Variants in CTDSP1 observed in about 807,000 individuals in gnomAD.
CTDSP1 encodes the protein carboxy-terminal domain RNA polymerase II polypeptide A small phosphatase 1.
A neutral mutation model predicts 32.5 loss-of-function variants in CTDSP1; 15 were observed. That is an observed-to-expected ratio of 0.46 (90% confidence interval 0.31 to 0.71). The LOEUF (loss-of-function observed/expected upper bound fraction) is 0.71, where lower values mean the gene tolerates loss of function less well. Ranked by LOEUF, CTDSP1 falls within the 30% of genes least tolerant of loss-of-function variation. The pLI is 0.05. For missense variants in CTDSP1, 294 were observed against 351.1 expected, an observed-to-expected ratio of 0.84 and a Z score of 1.30; for synonymous variants, 185 against 145.4, an observed-to-expected ratio of 1.27 and a Z score of -1.96.
At chr2:218,400,666 C>A (rs1486057232) in intron 1 of CTDSP1, 1 of 446,572 alleles carries the variant, frequency 2.2e-6, no homozygotes, top group Non-Finnish European at 4.5e-6. Flanking sequence ...CCACAAACTT[C>A]GCGTCACGCG....
chr2:218,400,973 AG>A (rs1574795294), intron 1 of CTDSP1: 2 of 89,384 alleles, frequency 2.2e-5, no homozygotes, highest in Non-Finnish European at 4.3e-5. Flanking sequence ...AGGGGGCCGG[AG>A]GGGGGTGGGG....
chr2:218,401,772 G>A lies in CTDSP1; in HGVS notation c.216+60G>A, dbSNP rs1393357845. 68 of 1,449,752 alleles carry A rather than the reference G, an allele frequency of 4.7e-5. No individual in the cohort carries two copies. The South Asian group carries it at 7.9e-4, about 17-fold the overall frequency. 89.8% of individuals were successfully genotyped at this position (1,449,752 alleles called of 1,614,324 possible). On this transcript the variant is annotated intron_variant, in intron 2 of 6. Coordinates refer to ENST00000273062, the MANE Select transcript of CTDSP1 (RefSeq NM_021198.3). ...TGGACTCAGTCTTCAGGGCTTTAGG[G>A]GAAGGGGCTCCTGACTGAGCTTTTC...
upstream of CTDSP1, chr2:218,399,411 G>C (rs1696979730): frequency 6.6e-6 from 1 of 152,300 alleles, no homozygotes; most frequent in Non-Finnish European, 1.5e-5. Flanking sequence ...GCTGGCTCTT[G>C]ACGTCCTTGC....
upstream of CTDSP1, among the ~76,000 whole-genome samples, chr2:218,397,963 G>A (rs1696907102): frequency 6.6e-6 from 1 of 152,204 alleles, no homozygotes; most frequent in African/African-American, 2.4e-5. Flanking sequence ...GGAGGTGGGG[G>A]ATTCCTGAGG....
upstream of CTDSP1, among the ~76,000 whole-genome samples, chr2:218,397,860 C>T (rs73073097): frequency 0.026 from 3,941 of 152,260 alleles, 152 homozygotes; most frequent in African/African-American, 0.09. Flanking sequence ...GCGGCTACCT[C>T]TGCCGCTTTG....
chr2:218,402,747 G>A (rs1294219235), intron 4 of CTDSP1: 4 of 744,120 alleles, frequency 5.4e-6, no homozygotes, highest in African/African-American at 5.1e-5. Context: ...GGGGTGAGGG[G>A]GCTGCCCCTG....
chr2:218,398,591 G>A, upstream of CTDSP1: 1 of 683,504 alleles, frequency 1.5e-6, no homozygotes, highest in Non-Finnish European at 2.2e-6. Flanking sequence ...GCCCCCGCGC[G>A]GGGCCTCCCC....
chr2:218,398,177 AC>A (rs1696919154), upstream of CTDSP1: 1 of 543,548 alleles, frequency 1.8e-6, no homozygotes, highest in Non-Finnish European at 3.3e-6. Context: ...CCGAGGCCCC[AC>A]CCAGGGGGCC....
chr2:218,400,945 G>A (rs1331695434), intron 1 of CTDSP1: 1 of 455,340 alleles, frequency 2.2e-6, no homozygotes. Context: ...CTGAGGGCAA[G>A]GTGGAAAGGC....
intron 3 of CTDSP1, 21 bp downstream of exon 3, chr2:218,402,236 C>T (rs769496049): frequency 2.5e-6 from 4 of 1,612,422 alleles, no homozygotes; most frequent in South Asian, 2.2e-5. Flanking sequence ...CTCAACAGCC[C>T]TCAGCCCGGG....
chr2:218,404,680 C>T lies in CTDSP1; in HGVS notation c.*255C>T, dbSNP rs1697329312. The T allele has an allele frequency of 6.8e-6, 3 of 439,076 alleles. No individual in the cohort carries two copies. The highest frequency in any genetic ancestry group is 1.2e-5 in the Non-Finnish European group (3 of 246,418). 27.2% of individuals were successfully genotyped at this position (439,076 alleles called of 1,614,324 possible). A position where few individuals can be genotyped will look rare whatever the true frequency, so the allele number is the denominator to read the frequency against. ...TTCTCAGGGGACCTGGGGGGCCCTG[C>T]CTGCTGCTCCCTTTTTCTGTCTCTG... is the stretch of plus-strand genomic sequence containing the variant. On this transcript the variant is annotated 3_prime_UTR_variant, in exon 7 of 7. Transcript: ENST00000273062.
In CTDSP1 at chr2:218,405,177, A is replaced by G. The variant is rs1379472321; in HGVS notation, c.*752A>G. On this transcript the variant is annotated 3_prime_UTR_variant, in exon 7 of 7. Coordinates refer to ENST00000273062, the MANE Select transcript of CTDSP1 (RefSeq NM_021198.3). Reference sequence around the variant, plus strand: ...AGGACCCCCCTTGTGGTGCCATATAAATATGTACATGTGTATATAGATTTT... The same window carrying G: ...AGGACCCCCCTTGTGGTGCCATATAGATATGTACATGTGTATATAGATTTT... 1 of 152,810 alleles carries G rather than the reference A, an allele frequency of 6.5e-6. No homozygotes were observed. Among genetic ancestry groups the G allele is most frequent in the African/African-American group, 2.4e-5 (1 of 41,440 alleles). 9.5% of individuals were successfully genotyped at this position (152,810 alleles called of 1,614,324 possible). A position where few individuals can be genotyped will look rare whatever the true frequency, so the allele number is the denominator to read the frequency against.
At chr2:218,400,754 T>A (rs1025466026) in intron 1 of CTDSP1, 23 of 452,990 alleles carry the variant, frequency 5.1e-5, no homozygotes, top group African/African-American at 4.0e-4. Flanking sequence ...GCGGGGAGAG[T>A]CGTGCGCCTA....
upstream of CTDSP1, chr2:218,398,480 G>C (rs1479811342): frequency 7.2e-6 from 11 of 1,523,942 alleles, no homozygotes; most frequent in Non-Finnish European, 9.6e-6. Context: ...GGGGACCGGG[G>C]TATCAGTCCC....
chr2:218,404,287 A>C lies in CTDSP1; in HGVS notation c.658-10A>C. Reference sequence around the variant, plus strand: ...CTGCCCCCCTCATCTTCCTACACCCACTTCCCCAGGTACCGGTGGCCTCGT... The same window carrying C: ...CTGCCCCCCTCATCTTCCTACACCCCCTTCCCCAGGTACCGGTGGCCTCGT... On this transcript the variant is annotated splice_polypyrimidine_tract_variant and intron_variant, in intron 6 of 6. Coordinates refer to ENST00000273062, the MANE Select transcript of CTDSP1 (RefSeq NM_021198.3). 6.2e-7 allele frequency: 1 copy of C among 1,613,640 alleles called. No individual in the cohort carries two copies. The highest frequency in any genetic ancestry group is 1.1e-5 in the South Asian group (1 of 91,018).
At chr2:218,398,304 A>C (rs957671935), upstream of CTDSP1, 1 of 989,802 alleles carries the variant, frequency 1.0e-6, no homozygotes, top group Non-Finnish European at 1.5e-6. Context: ...CATCTGTGAA[A>C]TGGGTTAAGA....
chr2:218,400,782 C>T (rs775401231), intron 1 of CTDSP1: 3 of 454,054 alleles, frequency 6.6e-6, no homozygotes, highest in South Asian at 4.7e-5. Context: ...CGCACCACCC[C>T]GCAAAGCCTC....
At chr2:218,396,593 G>A (rs1255774902), upstream of CTDSP1, 1 of 152,474 alleles carries the variant, frequency 6.6e-6, no homozygotes, top group East Asian at 1.9e-4. Flanking sequence ...AAGGAGAGAA[G>A]AGATGGGACC....
At chr2:218,397,706 G>C (rs1360697984), upstream of CTDSP1, among the ~76,000 whole-genome samples, 1 of 152,164 alleles carries the variant, frequency 6.6e-6, no homozygotes, top group Non-Finnish European at 1.5e-5. Flanking sequence ...TAGAGACAGA[G>C]GGCAGCTGGG....
Sources: gnomAD v4.1 joint callset for allele counts (sites outside exome capture counted in the v4.1 genomes callset) on GRCh38, gnomAD v4.1.1 for gene constraint, MANE v1.5 for transcripts, NCBI Gene and HGNC (gene_info 2026-07-23, HGNC 2026-07-21) for gene names.